Variants in RAB7A observed in about 807,000 individuals in gnomAD.
RAB7A encodes the protein RAB7A, member RAS oncogene family.
RAB7A carries 2 observed loss-of-function variants against 24.5 expected under a neutral mutation model. That is an observed-to-expected ratio of 0.08 (90% confidence interval 0.03 to 0.26). RAB7A has a LOEUF of 0.26. RAB7A is among the 10% of genes least tolerant of loss of function. The pLI is 1.00. For missense variants in RAB7A, 118 were observed against 255.7 expected (o/e 0.46, Z 3.67); for synonymous variants, 100 against 95.9 (o/e 1.04, Z -0.25).
At chr3:128,807,889 A>C (rs1933839086) in intron 5 of RAB7A, among the ~76,000 whole-genome samples, 1 of 152,202 alleles carries the variant, frequency 6.6e-6, no homozygotes, top group African/African-American at 2.4e-5. Context: ...GAGGCTGTGA[A>C]GTCTGAGGCT....
At chr3:128,746,478 C>T (rs926779838) in intron 1 of RAB7A, among the ~76,000 whole-genome samples, 1 of 151,698 alleles carries the variant, frequency 6.6e-6, no homozygotes, top group African/African-American at 2.4e-5. Flanking sequence ...CTGTATTGAC[C>T]GGGTTGGGGT....
intron 1 of RAB7A, among the ~76,000 whole-genome samples, chr3:128,754,209 G>T (rs2070710662): frequency 6.6e-6 from 1 of 152,160 alleles, no homozygotes; most frequent in South Asian, 2.1e-4. Flanking sequence ...TATGTATCAA[G>T]AAGTTATTAG....
chr3:128,796,915 C>T lies in RAB7A; in HGVS notation c.54-1028C>T, dbSNP rs190569427. Among the ~76,000 whole-genome samples, 15 of 152,262 alleles carry T rather than the reference C, an allele frequency of 9.9e-5. No homozygotes were observed. In the East Asian group the frequency reaches 2.5e-3, roughly 25 times the overall value. On this transcript the variant is annotated intron_variant, in intron 2 of 5. Coordinates refer to ENST00000265062, the MANE Select transcript of RAB7A (RefSeq NM_004637.6). ...CTGGGCTCAAGCAGTCCACTCGTCT[C>T]GACCTCCCAAAGTGCTGAGATTACA...
At chr3:128,773,397 C>T (rs1174600101) in intron 1 of RAB7A, among the ~76,000 whole-genome samples, 19 of 152,156 alleles carry the variant, frequency 1.2e-4, no homozygotes, top group Admixed American at 4.6e-4. Context: ...CCCCTCTGCC[C>T]GGCAGCCACC....
At chr3:128,769,425 G>T (rs758819602) in intron 1 of RAB7A, among the ~76,000 whole-genome samples, 1 of 152,076 alleles carries the variant, frequency 6.6e-6, no homozygotes, top group Non-Finnish European at 1.5e-5. Context: ...GTTTTCACCT[G>T]CTTATTCTTT....
intron 3 of RAB7A, among the ~76,000 whole-genome samples, chr3:128,802,154 A>G (rs189814717): frequency 3.3e-4 from 51 of 152,372 alleles, no homozygotes; most frequent in Middle Eastern, 3.4e-3. Flanking sequence ...ACTTGTATCT[A>G]TTTTTGGAAT....
At chr3:128,807,982 G>A (rs1182581923) in intron 5 of RAB7A, among the ~76,000 whole-genome samples, 1 of 152,128 alleles carries the variant, frequency 6.6e-6, no homozygotes, top group African/African-American at 2.4e-5. Flanking sequence ...ACAGATTGCT[G>A]CTTCTATTTA....
chr3:128,789,792 T>G (rs1455336538), intron 1 of RAB7A, among the ~76,000 whole-genome samples: 1 of 121,850 alleles, frequency 8.2e-6, no homozygotes. Context: ...TGTTCCTGGC[T>G]TTTTTTTTTT....
At chr3:128,791,803 C>T (rs6804540) in intron 1 of RAB7A, among the ~76,000 whole-genome samples, 1,872 of 152,212 alleles carry the variant, frequency 0.012, 39 homozygotes, top group African/African-American at 0.043. Flanking sequence ...GGTATTGAGT[C>T]GGCACAGTCT....
intron 1 of RAB7A, among the ~76,000 whole-genome samples, chr3:128,744,416 A>G (rs1181968711): frequency 1.3e-5 from 2 of 152,256 alleles, no homozygotes; most frequent in East Asian, 1.9e-4. Context: ...TTTGGGAGAC[A>G]TTTGAAATTT....
chr3:128,789,193 G>GA (rs1933402244), intron 1 of RAB7A, among the ~76,000 whole-genome samples: 1 of 152,248 alleles, frequency 6.6e-6, no homozygotes, highest in South Asian at 2.1e-4. Context: ...TGCTTTCCTT[G>GA]AAGGACCAGG....
At chr3:128,753,706 A>G (rs1431500810) in intron 1 of RAB7A, among the ~76,000 whole-genome samples, 3 of 152,202 alleles carry the variant, frequency 2.0e-5, no homozygotes, top group Non-Finnish European at 2.9e-5. Flanking sequence ...TGGCAGAAGG[A>G]ATGAACTTGC....
chr3:128,728,556 G>A (rs1439228837), intron 1 of RAB7A, among the ~76,000 whole-genome samples: 1 of 152,112 alleles, frequency 6.6e-6, no homozygotes, highest in Non-Finnish European at 1.5e-5. Flanking sequence ...TCTGCCTCCC[G>A]GGTTCAAGCC....
At chr3:128,782,909 A>G (rs900986717) in intron 1 of RAB7A, among the ~76,000 whole-genome samples, 3 of 152,146 alleles carry the variant, frequency 2.0e-5, no homozygotes, top group Non-Finnish European at 4.4e-5. Context: ...AGTGGTATAT[A>G]TGAGGTGTCA....
chr3:128,792,042 A>AT (rs990731577), intron 1 of RAB7A, among the ~76,000 whole-genome samples: 6 of 152,096 alleles, frequency 3.9e-5, no homozygotes, highest in Non-Finnish European at 7.4e-5. Flanking sequence ...AGATTACAGC[A>AT]TTTTTTCCAA....
intron 1 of RAB7A, among the ~76,000 whole-genome samples, chr3:128,733,731 A>G (rs2070459944): frequency 6.6e-6 from 1 of 152,128 alleles, no homozygotes; most frequent in Non-Finnish European, 1.5e-5. Context: ...ACCTCACTTA[A>G]CCTCAGTTAC....
intron 1 of RAB7A, chr3:128,764,771 G>T: frequency 1.2e-6 from 1 of 823,526 alleles, no homozygotes; most frequent in Non-Finnish European, 2.1e-6. Flanking sequence ...ATATCCTGAA[G>T]GAAGATTTGG....
chr3:128,779,422 G>A (rs200097692), intron 1 of RAB7A, among the ~76,000 whole-genome samples: 1 of 150,980 alleles, frequency 6.6e-6, no homozygotes, highest in Non-Finnish European at 1.5e-5. Flanking sequence ...AAAAAAAAAA[G>A]AGAGATTCAT....
chr3:128,766,387 A>G (rs533793322), intron 1 of RAB7A, among the ~76,000 whole-genome samples: 1 of 152,376 alleles, frequency 6.6e-6, no homozygotes, highest in Admixed American at 6.5e-5. Flanking sequence ...CTGGGTAACC[A>G]CCGTCATGGG....
Sources: gnomAD v4.1 joint callset for allele counts (sites outside exome capture counted in the v4.1 genomes callset) on GRCh38, gnomAD v4.1.1 for gene constraint, MANE v1.5 for transcripts, NCBI Gene and HGNC (gene_info 2026-07-23, HGNC 2026-07-21) for gene names.